PRKD3: variants seen among roughly 807,000 people sequenced by gnomAD.
The protein encoded by PRKD3 is serine/threonine-protein kinase D3.
PRKD3 carries 47 observed loss-of-function variants against 99.2 expected under a neutral mutation model. That is an observed-to-expected ratio of 0.47 (90% CI 0.38 to 0.60). PRKD3 has a LOEUF of 0.60. Ranked by LOEUF, PRKD3 falls within the 20% of genes least tolerant of loss-of-function variation. The pLI is 0.00. For synonymous variants in PRKD3, 392 were observed against 355.4 expected (o/e 1.10, Z -1.16); for missense variants, 1,019 against 1,088.4 (o/e 0.94, Z 0.90).
At chr2:37,301,471 C>T (rs114480699) in intron 2 of PRKD3, among the ~76,000 whole-genome samples, 2,739 of 151,688 alleles carry the variant, frequency 0.018, 34 homozygotes, top group African/African-American at 0.034. Context: ...GGGGGTCTCC[C>T]TCTGTTGCCC....
intron 1 of PRKD3, chr2:37,324,199 C>G (rs771698910): frequency 3.0e-5 from 30 of 985,316 alleles, no homozygotes; most frequent in Non-Finnish European, 3.5e-5. Context: ...TTTACTCACC[C>G]CTTTGAGACG....
At chr2:37,262,750 C>G (rs1668562525) in intron 14 of PRKD3, among the ~76,000 whole-genome samples, 2 of 152,122 alleles carry the variant, frequency 1.3e-5, no homozygotes, top group South Asian at 4.1e-4. Flanking sequence ...TTATTTTTCT[C>G]CCTTAACAAC....
intron 18 of PRKD3, 127 bp from the exon 19 acceptor site, chr2:37,253,477 A>AGTAGATACTTATG: frequency 8.4e-6 from 6 of 716,042 alleles, no homozygotes; most frequent in Non-Finnish European, 1.3e-5. Flanking sequence ...CGCTACTCAT[A>AGTAGATACTTATG]AGTATCTACT....
At chr2:37,312,326 G>C (rs1268509527) in intron 2 of PRKD3, among the ~76,000 whole-genome samples, 2 of 152,144 alleles carry the variant, frequency 1.3e-5, no homozygotes, top group African/African-American at 2.4e-5. Context: ...ATCTGACAAG[G>C]AGCTTGGTTC....
At chr2:37,299,509 A>AACAC (rs1458567081) in intron 2 of PRKD3, among the ~76,000 whole-genome samples, 1 of 114,860 alleles carries the variant, frequency 8.7e-6, no homozygotes, top group Non-Finnish European at 1.7e-5. Flanking sequence ...CCTCTACTAA[A>AACAC]ATACACACAC....
chr2:37,267,658 T>C, intron 13 of PRKD3, 122 bp from the exon 14 acceptor site: 1 of 743,720 alleles, frequency 1.3e-6, no homozygotes. Flanking sequence ...ATTTTTGTTC[T>C]TTCTCCACAC....
Position 37,277,911 on chromosome 2 carries a change from C to T in PRKD3, c.1251G>A (p.Met417Ile). The change falls in exon 9 of 19, where the codon ATG (methionine) becomes ATA (isoleucine). Residue 417 changes from methionine (M) to isoleucine (I), a missense_variant. By Grantham distance (10) the Met-to-Ile change is conservative. Transcript: ENST00000234179. Reference protein sequence around the residue: ...IKHTKRKSSTMVKEGWMVHYT... With the variant: ...IKHTKRKSSTIVKEGWMVHYT... ...AATGGACCATCCACCCTTCCTTCACCATTGTGCTGCTCTTCCTCTTTGTGT... is the reference window on the plus strand; with the variant it reads ...AATGGACCATCCACCCTTCCTTCACTATTGTGCTGCTCTTCCTCTTTGTGT... 6.2e-7 allele frequency: 1 copy of T among 1,613,680 alleles called. No individual in the cohort carries two copies. Among genetic ancestry groups the T allele is most frequent in the African/African-American group, 1.3e-5 (1 of 75,016 alleles).
intron 2 of PRKD3, among the ~76,000 whole-genome samples, chr2:37,302,508 T>C (rs1056236267): frequency 2.6e-5 from 4 of 152,350 alleles, no homozygotes; most frequent in East Asian, 1.9e-4. Context: ...AAGGTTCCAA[T>C]AGTTGCAAAC....
intron 2 of PRKD3, among the ~76,000 whole-genome samples, chr2:37,306,878 T>G (rs576236729): frequency 6.6e-6 from 1 of 152,344 alleles, no homozygotes; most frequent in East Asian, 1.9e-4. Flanking sequence ...GCAATTCATA[T>G]TTGTAAGATT....
chr2:37,280,054 CTTT>C (rs72038621), intron 7 of PRKD3, 125 bp from the exon 8 acceptor site: 1,539 of 460,904 alleles, frequency 3.3e-3, no homozygotes, highest in East Asian at 5.7e-3. Flanking sequence ...AAGTATTTCT[CTTT>C]TTTTTTTTTT....
chr2:37,310,233 T>G (rs1030976734), intron 2 of PRKD3, among the ~76,000 whole-genome samples: 1 of 152,216 alleles, frequency 6.6e-6, no homozygotes, highest in Admixed American at 6.5e-5. Context: ...GACCTCGAAG[T>G]GTAATAGCTC....
chr2:37,288,227 T>G (rs886755104), intron 5 of PRKD3, among the ~76,000 whole-genome samples: 4 of 152,216 alleles, frequency 2.6e-5, no homozygotes, highest in Non-Finnish European at 5.9e-5. Flanking sequence ...AGGTAAGTTC[T>G]CTGTGCAGTT....
Position 37,267,509 on chromosome 2 carries a change from A to G in PRKD3, c.1805T>C (p.Val602Ala). Residue 602 changes from valine (V) to alanine (A), a missense_variant, in exon 14 of 19, where the codon GTG becomes GCG. Transcript: ENST00000234179. ...GGKHRKTGRD[V>A]AIKVIDKMRF... ...CATCTTATCAATTACTTTAATAGCC[A>G]CATCCCTCCCAGTCTTTCTATGTTT... The G allele has an allele frequency of 1.2e-6, 2 of 1,610,938 alleles. No homozygotes were observed. Among genetic ancestry groups the G allele is most frequent in the Non-Finnish European group, 1.7e-6 (2 of 1,178,000 alleles).
At chr2:37,280,996 C>G (rs1282008775) in intron 7 of PRKD3, among the ~76,000 whole-genome samples, 1 of 152,060 alleles carries the variant, frequency 6.6e-6, no homozygotes, top group Non-Finnish European at 1.5e-5. Context: ...CGAATGAACA[C>G]ATGAAAAGAT....
intron 6 of PRKD3, among the ~76,000 whole-genome samples, chr2:37,283,611 T>C (rs986140921): frequency 6.6e-6 from 1 of 152,202 alleles, no homozygotes; most frequent in African/African-American, 2.4e-5. Context: ...AATATTATCT[T>C]GCACTACCTC....
intron 2 of PRKD3, among the ~76,000 whole-genome samples, chr2:37,311,591 T>A (rs908456978): frequency 2.6e-5 from 4 of 152,206 alleles, no homozygotes; most frequent in African/African-American, 9.6e-5. Context: ...ACCTAGAATT[T>A]GCAATTATCA....
rs34916722 is a variant in PRKD3 at position 37,298,411 on chromosome 2, A to ATT, written c.289-5142_289-5141dup. Among the ~76,000 whole-genome samples the ATT allele has an allele frequency of 5.8e-3, 876 of 150,236 alleles. 6 individuals carry two copies. The highest frequency in any genetic ancestry group is 9.5e-3 in the African/African-American group (393 of 41,176). ...TAGAGATCATTCCATTAACAAAGTTATTTTTTTTTTTAAAAACAGATGTAT... is the reference window on the plus strand; with the variant it reads ...TAGAGATCATTCCATTAACAAAGTTATTTTTTTTTTTTTAAAAACAGATGTAT... On this transcript the variant is annotated intron_variant, in intron 2 of 18. Transcript: ENST00000234179.
At chr2:37,255,220 A>C (rs1009042689) in intron 17 of PRKD3, among the ~76,000 whole-genome samples, 3 of 152,242 alleles carry the variant, frequency 2.0e-5, no homozygotes, top group Admixed American at 1.3e-4. Flanking sequence ...TTACCAAGCA[A>C]ACCTGCTACT....
chr2:37,323,262 A>T (rs2124914853), intron 1 of PRKD3, among the ~76,000 whole-genome samples: 1 of 148,380 alleles, frequency 6.7e-6, no homozygotes, highest in African/African-American at 2.5e-5. Flanking sequence ...ATCAGTCAAC[A>T]TTCTTAATGT....
Sources: allele counts gnomAD v4.1 joint callset (sites outside exome capture counted in the v4.1 genomes callset), GRCh38; gene constraint gnomAD v4.1.1; transcripts MANE v1.5; gene names NCBI Gene and HGNC (gene_info 2026-07-23, HGNC 2026-07-21).